KCNIP4: variants seen among roughly 807,000 people sequenced by gnomAD.
The protein encoded by KCNIP4 is potassium voltage-gated channel interacting protein 4.
A neutral mutation model predicts 34.0 loss-of-function variants in KCNIP4; 12 were observed. That is an observed-to-expected ratio of 0.35 (90% CI 0.23 to 0.57). KCNIP4 has a LOEUF of 0.57. Ranked by LOEUF, KCNIP4 falls within the 20% of genes least tolerant of loss-of-function variation. KCNIP4 has a pLI of 0.83. For missense variants in KCNIP4, 238 were observed against 311.7 expected, an observed-to-expected ratio of 0.76 and a Z score of 1.78; for synonymous variants, 124 against 102.2, an observed-to-expected ratio of 1.21 and a Z score of -1.29.
chr4:21,619,668 T>C (rs927123690), intron 1 of KCNIP4, among the ~76,000 whole-genome samples: 2 of 152,180 alleles, frequency 1.3e-5, no homozygotes, highest in African/African-American at 4.8e-5. Flanking sequence ...ATTCACCAAA[T>C]ATATAAATTT....
At chr4:21,364,653 A>T (rs897049045) in intron 1 of KCNIP4, among the ~76,000 whole-genome samples, 1 of 152,132 alleles carries the variant, frequency 6.6e-6, no homozygotes, top group East Asian at 1.9e-4. Context: ...TGACAAGTCA[A>T]TGCACCTATA....
chr4:21,799,369 T>G (rs1720851823), intron 1 of KCNIP4, among the ~76,000 whole-genome samples: 1 of 152,164 alleles, frequency 6.6e-6, no homozygotes, highest in Non-Finnish European at 1.5e-5. Context: ...ACCACACTCT[T>G]AAACTTTTCT....
intron 1 of KCNIP4, among the ~76,000 whole-genome samples, chr4:21,441,305 C>A (rs1201991962): frequency 2.0e-5 from 3 of 151,982 alleles, no homozygotes; most frequent in Non-Finnish European, 4.4e-5. Flanking sequence ...CCACGCCCGG[C>A]TAATTTTTTT....
At chr4:21,485,685 C>T (rs1193534158) in intron 1 of KCNIP4, among the ~76,000 whole-genome samples, 1 of 152,158 alleles carries the variant, frequency 6.6e-6, no homozygotes, top group African/African-American at 2.4e-5. Context: ...TCATGGGATC[C>T]TTGCTGAAAA....
intron 1 of KCNIP4, among the ~76,000 whole-genome samples, chr4:21,145,230 G>A (rs146273064): frequency 1.1e-4 from 16 of 152,240 alleles, no homozygotes; most frequent in African/African-American, 2.9e-4. Flanking sequence ...TCAGGCTTCC[G>A]TAGCTTTAGA....
chr4:21,701,149 C>T (rs1303529558), intron 1 of KCNIP4, among the ~76,000 whole-genome samples: 1 of 152,110 alleles, frequency 6.6e-6, no homozygotes, highest in East Asian at 1.9e-4. Flanking sequence ...TCAAATAAGC[C>T]AAGCACAGAA....
chr4:21,321,179 T>C (rs1185071315), intron 1 of KCNIP4, among the ~76,000 whole-genome samples: 1 of 152,134 alleles, frequency 6.6e-6, no homozygotes, highest in Non-Finnish European at 1.5e-5. Context: ...TGGTTATTTG[T>C]TATGAAATGT....
chr4:21,017,185 A>G (rs575963734), intron 1 of KCNIP4, among the ~76,000 whole-genome samples: 1 of 152,290 alleles, frequency 6.6e-6, no homozygotes, highest in South Asian at 2.1e-4. Flanking sequence ...TAAAATATAA[A>G]TTATTTTATC....
chr4:21,603,203 T>G (rs1743345728), intron 1 of KCNIP4, among the ~76,000 whole-genome samples: 1 of 152,206 alleles, frequency 6.6e-6, no homozygotes, highest in Non-Finnish European at 1.5e-5. Flanking sequence ...GCAGTTGCTC[T>G]AGTTTTCTAA....
chr4:21,102,765 C>A (rs1409428881), intron 1 of KCNIP4, among the ~76,000 whole-genome samples: 2 of 152,126 alleles, frequency 1.3e-5, no homozygotes, highest in Admixed American at 1.3e-4. Flanking sequence ...AACAAAGCTG[C>A]CTTTGTTGGC....
intron 3 of KCNIP4, among the ~76,000 whole-genome samples, chr4:20,775,888 C>G (rs1438716263): frequency 5.9e-5 from 9 of 152,126 alleles, no homozygotes; most frequent in Admixed American, 5.9e-4. Flanking sequence ...TGTATCTAAA[C>G]CCCACATGGC....
intron 1 of KCNIP4, among the ~76,000 whole-genome samples, chr4:20,949,277 T>C (rs1479010759): frequency 6.6e-6 from 1 of 152,240 alleles, no homozygotes; most frequent in Non-Finnish European, 1.5e-5. Flanking sequence ...GTATTATGCT[T>C]GTGCTAGTTT....
intron 1 of KCNIP4, among the ~76,000 whole-genome samples, chr4:21,825,658 T>G (rs1722638394): frequency 6.6e-6 from 1 of 152,214 alleles, no homozygotes; most frequent in African/African-American, 2.4e-5. Flanking sequence ...AATATTATTT[T>G]GAAGGAGACT....
rs71191533 is a variant in KCNIP4, at chr4:21,683,446, ATTTTTTTTTTTTTTTTTTT to A, written c.61+265106_61+265124del. On this transcript the variant is annotated intron_variant, in intron 1 of 8. Transcript: ENST00000382152. ...TACGACTAATGATTGGTGAAGCCAG[ATTTTTTTTTTTTTTTTTTT>A]TTTTTTTTTTTTTTTTTTTTGAGAC... is the stretch of plus-strand genomic sequence containing the variant. Among the ~76,000 whole-genome samples the A allele has an allele frequency of 1.0e-3, 48 of 46,614 alleles. 1 individual carries two copies. The highest frequency in any genetic ancestry group is 2.0e-3 in the African/African-American group (28 of 13,918). The allele number at this position is 46,614 out of a possible 152,430, so 30.6% of individuals were successfully genotyped here.
At chr4:21,850,842 C>T (rs1724334654) in intron 1 of KCNIP4, 1 of 152,046 alleles carries the variant, frequency 6.6e-6, no homozygotes, top group Admixed American at 6.6e-5. Context: ...CCTTTTAACC[C>T]AAACACTACA....
chr4:20,905,522 T>TTTTTTTTTTCG (rs768668990), intron 1 of KCNIP4, among the ~76,000 whole-genome samples: 1 of 111,188 alleles, frequency 9.0e-6, no homozygotes, highest in Non-Finnish European at 1.8e-5. Context: ...TTTTTTTTTT[T>TTTTTTTTTTCG]TTTGTTTGAG....
intron 1 of KCNIP4, among the ~76,000 whole-genome samples, chr4:21,678,864 C>T (rs938746599): frequency 2.0e-5 from 3 of 152,144 alleles, no homozygotes; most frequent in African/African-American, 4.8e-5. Context: ...TACCTCGGAA[C>T]GTGACTGTAC....
Position 21,159,562 on chromosome 4 carries a change from G to T in KCNIP4, c.62-276853C>A, listed in dbSNP as rs1486869557. Among the ~76,000 whole-genome samples, 4 of 39,092 alleles carry T rather than the reference G, an allele frequency of 1.0e-4. 1 individual carries two copies. 25.6% of individuals were successfully genotyped at this position (39,092 alleles called of 152,430 possible). On this transcript the variant is annotated intron_variant, in intron 1 of 8. Coordinates refer to ENST00000382152, the MANE Select transcript of KCNIP4 (RefSeq NM_025221.6). ...TGTGTGTGCGCACCGTGCGCGAGCC[G>T]AAGCAGGGCGAGGCATTGCCTCACC...
intron 1 of KCNIP4, among the ~76,000 whole-genome samples, chr4:21,942,696 A>G (rs1215919850): frequency 2.0e-5 from 3 of 152,242 alleles, no homozygotes; most frequent in Non-Finnish European, 4.4e-5. Context: ...TGGGTCTACC[A>G]TGGGACAACG....
Sources: allele counts gnomAD v4.1 joint callset (sites outside exome capture counted in the v4.1 genomes callset), GRCh38; gene constraint gnomAD v4.1.1; transcripts MANE v1.5; gene names NCBI Gene and HGNC (gene_info 2026-07-23, HGNC 2026-07-21).